The following SERPIND1 variants were observed in gnomAD, a reference collection of about 807,000 sequenced individuals.
The protein encoded by SERPIND1 is heparin cofactor 2.
A neutral mutation model predicts 35.0 loss-of-function variants in SERPIND1; 34 were observed. The ratio of observed to expected loss-of-function variants is 0.97; its 90% CI spans 0.74 to 1.29. The LOEUF (loss-of-function observed/expected upper bound fraction) is 1.29. Ranked by LOEUF, SERPIND1 falls within the 50% of genes most tolerant of loss-of-function variation. SERPIND1 has a pLI of 0.00. For synonymous variants in SERPIND1, 236 were observed against 241.1 expected, an observed-to-expected ratio of 0.98 and a Z score of 0.19; for missense variants, 633 against 637.7, an observed-to-expected ratio of 0.99 and a Z score of 0.08.
intron 1 of SERPIND1, among the ~76,000 whole-genome samples, chr22:20,776,890 C>CA (rs146029912): frequency 0.03 from 4,524 of 152,278 alleles, 89 homozygotes; most frequent in Middle Eastern, 0.061. Context: ...ACCCCATCTT[C>CA]AGGCCTACTG....
At chr22:20,784,285 T>C in intron 3 of SERPIND1, 40 bp downstream of exon 3, 3 of 1,612,794 alleles carry the variant, frequency 1.9e-6, no homozygotes, top group Non-Finnish European at 1.7e-6. Flanking sequence ...AGCTCCCAGA[T>C]GCTGGGGGTG....
At chr22:20,781,232 C>G (rs1933776862) in intron 2 of SERPIND1, among the ~76,000 whole-genome samples, 1 of 152,212 alleles carries the variant, frequency 6.6e-6, no homozygotes, top group Admixed American at 6.5e-5. Flanking sequence ...CCAAACCTCT[C>G]TTTTCAAATA....
chr22:20,786,169 C>A (rs1414179584), intron 4 of SERPIND1, 21 bp downstream of exon 4: 2 of 1,613,298 alleles, frequency 1.2e-6, no homozygotes, highest in South Asian at 1.1e-5. Flanking sequence ...CCTTGTCCAC[C>A]CCCGACCCGT....
chr22:20,774,373 T>G (rs542834705), intron 1 of SERPIND1, among the ~76,000 whole-genome samples: 148 of 152,296 alleles, frequency 9.7e-4, no homozygotes, highest in Non-Finnish European at 1.7e-3. Context: ...ATGAAAATAT[T>G]GTACTTATAT....
intron 1 of SERPIND1, 66 bp from the exon 2 acceptor site, chr22:20,779,231 G>A: frequency 1.9e-6 from 3 of 1,607,072 alleles, no homozygotes; most frequent in Non-Finnish European, 1.7e-6. Context: ...AACCTGCCAT[G>A]TGGATGCTGC....
chr22:20,782,986 TCA>T (rs1933916195), intron 2 of SERPIND1, among the ~76,000 whole-genome samples: 1 of 46,064 alleles, frequency 2.2e-5, no homozygotes, highest in African/African-American at 1.3e-4. Context: ...ACAAGTTACT[TCA>T]CTTCTTTGTG....
chr22:20,783,872 T>G (rs1349470790), intron 2 of SERPIND1, 100 bp from the exon 3 acceptor site: 1 of 1,531,848 alleles, frequency 6.5e-7, no homozygotes, highest in Non-Finnish European at 9.0e-7. Flanking sequence ...CTGCAGGCTA[T>G]CTGAATGAGG....
At chr22:20,774,943 C>T (rs532381570) in intron 1 of SERPIND1, among the ~76,000 whole-genome samples, 48 of 152,138 alleles carry the variant, frequency 3.2e-4, no homozygotes, top group African/African-American at 1.9e-4. Flanking sequence ...TGGTAAATCT[C>T]GGTACGGGTA....
At position 20,779,363 on chromosome 22, in the gene SERPIND1, G is replaced by A. The variant is rs139081149; in HGVS notation, c.51G>A (p.Ala17=). The A allele has an allele frequency of 3.7e-6, 6 of 1,614,092 alleles. No individual in the cohort carries two copies. Among genetic ancestry groups the A allele is most frequent in the Middle Eastern group, 1.6e-4 (1 of 6,084 alleles). ...ALLIFLIITS[A]WGGSKGPLDQ... ...TCATTTTCCTCATCATAACATCTGC[G>A]TGGGGTGGGAGCAAAGGCCCGCTGG... Residue 17 remains alanine (A), a synonymous_variant, in exon 2 of 5, where the codon GCG becomes GCA. Transcript: ENST00000215727.
Position 20,779,978 on chromosome 22 carries a change from T to C in SERPIND1, c.666T>C (p.Asn222=). Residue 222 remains asparagine, a synonymous_variant, in exon 2 of 5, where the codon AAT becomes AAC. Coordinates refer to ENST00000215727, the MANE Select transcript of SERPIND1 (RefSeq NM_000185.4). The part of the protein sequence containing the change: ...RNFGYTLRSV[N]DLYIQKQFPI... ...TTGGGTACACACTGCGGTCAGTCAA[T>C]GACCTTTATATCCAGAAGCAGTTTC... is the stretch of plus-strand genomic sequence containing the variant. 6.2e-7 allele frequency: 1 copy of C among 1,614,204 alleles called. No individual in the cohort carries two copies. The highest frequency in any genetic ancestry group is 8.5e-7 in the Non-Finnish European group (1 of 1,180,038).
intron 3 of SERPIND1, 112 bp from the exon 4 acceptor site, chr22:20,785,892 G>A: frequency 2.8e-6 from 4 of 1,410,828 alleles, no homozygotes; most frequent in Non-Finnish European, 4.0e-6. Flanking sequence ...TTTAATAAGT[G>A]CTATATCAAT....
rs772390602 is a variant in SERPIND1 at position 20,786,939 on chromosome 22, T to G, written c.1373T>G (p.Val458Gly). 1.9e-6 allele frequency: 3 copies of G among 1,613,964 alleles called. No homozygotes were observed. The highest frequency in any genetic ancestry group is 2.5e-6 in the Non-Finnish European group (3 of 1,180,032). ...EGTQATTVTT[V>G]GFMPLSTQVR... is the part of the protein sequence containing the mutation. The stretch of plus-strand genomic sequence containing the variant: ...ACCCAAGCCACCACTGTGACCACGG[T>G]GGGGTTCATGCCGCTGTCCACCCAA... Residue 458 changes from valine (V) to glycine (G), a missense_variant, in exon 5 of 5, where the codon GTG becomes GGG. Coordinates refer to ENST00000215727, the MANE Select transcript of SERPIND1 (RefSeq NM_000185.4).
At chr22:20,778,273 G>C (rs1933461540) in intron 1 of SERPIND1, among the ~76,000 whole-genome samples, 1 of 152,072 alleles carries the variant, frequency 6.6e-6, no homozygotes, top group Non-Finnish European at 1.5e-5. Context: ...GGCTGAGGTG[G>C]GTGGATCACC....
chr22:20,778,369 T>C (rs1405034832), intron 1 of SERPIND1, among the ~76,000 whole-genome samples: 7 of 152,044 alleles, frequency 4.6e-5, no homozygotes, highest in Non-Finnish European at 1.0e-4. Flanking sequence ...CCAGGCGTAG[T>C]GGTGTGCACC....
intron 3 of SERPIND1, among the ~76,000 whole-genome samples, chr22:20,785,662 A>C (rs560493269): frequency 2.3e-4 from 35 of 152,306 alleles, no homozygotes; most frequent in Middle Eastern, 6.8e-3. Flanking sequence ...AAAAAAAACC[A>C]AATGCCTAAA....
intron 1 of SERPIND1, among the ~76,000 whole-genome samples, chr22:20,775,092 C>T (rs866099911): frequency 2.6e-5 from 4 of 152,036 alleles, no homozygotes; most frequent in African/African-American, 7.2e-5. Context: ...GACCATACAC[C>T]AGGAGGGATG....
rs1292498685 is a variant in SERPIND1, at chr22:20,787,169, G to A, written c.*103G>A. The A allele has an allele frequency of 2.2e-5, 24 of 1,073,328 alleles. 1 individual carries two copies. The highest frequency in any genetic ancestry group is 6.4e-5 in the South Asian group (5 of 77,792). 66.5% of individuals were successfully genotyped at this position (1,073,328 alleles called of 1,614,324 possible). On this transcript the variant is annotated 3_prime_UTR_variant, in exon 5 of 5. Transcript: ENST00000215727. Reference sequence around the variant, plus strand: ...TTCTGGCATCATTTACGTAGTTTACGCTACCAATCTGAATTCGAGGCCCAT... The same window carrying A: ...TTCTGGCATCATTTACGTAGTTTACACTACCAATCTGAATTCGAGGCCCAT...
At chr22:20,783,650 G>A (rs549241247) in intron 2 of SERPIND1, among the ~76,000 whole-genome samples, 2 of 152,074 alleles carry the variant, frequency 1.3e-5, no homozygotes, top group Non-Finnish European at 2.9e-5. Context: ...AATAAAAGCT[G>A]GAAAGAGCTC....
chr22:20,787,126 A>G lies in SERPIND1; in HGVS notation c.*60A>G, dbSNP rs548830121. 8.6e-5 allele frequency: 122 copies of G among 1,417,728 alleles called. No individual in the cohort carries two copies. The Middle Eastern group carries it at 1.5e-3, about 17-fold the overall frequency. 87.8% of individuals were successfully genotyped at this position (1,417,728 alleles called of 1,614,324 possible). On this transcript the variant is annotated 3_prime_UTR_variant, in exon 5 of 5. Transcript: ENST00000215727. ...GCACCCTCATTTTGTTTCCATTCCA[A>G]CAACGAGAACAGAGATGTTCTGGCA...
Sources: gnomAD v4.1 joint callset for allele counts (sites outside exome capture counted in the v4.1 genomes callset) on GRCh38, gnomAD v4.1.1 for gene constraint, MANE v1.5 for transcripts, NCBI Gene and HGNC (gene_info 2026-07-23, HGNC 2026-07-21) for gene names.